The following UBR1 variants were observed in gnomAD, a reference collection of about 807,000 sequenced individuals.
The protein encoded by UBR1 is ubiquitin protein ligase E3 component n-recognin 1, also known as E3 ubiquitin-protein ligase UBR1.
Under a neutral mutation model 242.1 loss-of-function variants are expected in UBR1, and 102 were observed. The ratio of observed to expected loss-of-function variants is 0.42; its 90% CI spans 0.36 to 0.50. UBR1 has a LOEUF of 0.50. Among genes scored for constraint, UBR1 ranks in the 20% least tolerant of loss-of-function variants. The pLI is 0.01. For synonymous variants in UBR1, 675 were observed against 684.8 expected (o/e 0.99, Z 0.22); for missense variants, 1,772 against 2,101.8 (o/e 0.84, Z 3.07).
At position 43,010,216 on chromosome 15, in the gene UBR1, A is replaced by G. The variant is rs181498789; in HGVS notation, c.3210-2932T>C. Among the ~76,000 whole-genome samples, 253 of 151,108 alleles carry G rather than the reference A, an allele frequency of 1.7e-3. 1 individual carries two copies. In the Middle Eastern group the frequency reaches 0.028, roughly 16 times the overall value. ...GGTGGGACTCACTAAGTGTGGTACC[A>G]CCTCCTAGGAGGCATCTAGCAATAA... On this transcript the variant is annotated intron_variant, in intron 29 of 46. Coordinates refer to ENST00000290650, the MANE Select transcript of UBR1 (RefSeq NM_174916.3).
At chr15:43,079,602 A>G (rs2141355108) in intron 3 of UBR1, among the ~76,000 whole-genome samples, 1 of 152,120 alleles carries the variant, frequency 6.6e-6, no homozygotes, top group South Asian at 2.1e-4. Context: ...ACACGGTGAA[A>G]CCCCGTCTCT....
intron 12 of UBR1, among the ~76,000 whole-genome samples, chr15:43,049,607 A>AT (rs765698791): frequency 7.9e-5 from 12 of 151,848 alleles, no homozygotes; most frequent in African/African-American, 2.4e-4. Context: ...AAGAAAATAC[A>AT]TTTTTTTTGA....
chr15:42,966,887 C>G (rs147661514), intron 40 of UBR1, among the ~76,000 whole-genome samples: 191 of 152,064 alleles, frequency 1.3e-3, no homozygotes, highest in African/African-American at 4.5e-3. Context: ...GAACTTGACT[C>G]TTAAATAAAG....
chr15:43,093,978 C>T (rs774817086), intron 1 of UBR1, among the ~76,000 whole-genome samples: 1 of 151,810 alleles, frequency 6.6e-6, no homozygotes, highest in Non-Finnish European at 1.5e-5. Context: ...CATGGCTAAA[C>T]TGAAAAAAAG....
chr15:43,085,297 C>T (rs1161957689), intron 2 of UBR1, among the ~76,000 whole-genome samples: 2 of 152,242 alleles, frequency 1.3e-5, no homozygotes, highest in African/African-American at 4.8e-5. Context: ...GTGTCCCGCC[C>T]TGACTCTGCT....
chr15:42,950,161 G>T (rs2031807805), intron 46 of UBR1, 101 bp downstream of exon 46: 1 of 1,123,720 alleles, frequency 8.9e-7, no homozygotes, highest in Non-Finnish European at 1.4e-6. Flanking sequence ...TGTGATTAAA[G>T]AACTATTACC....
intron 30 of UBR1, among the ~76,000 whole-genome samples, chr15:43,005,315 G>A (rs569701065): frequency 1.0e-3 from 131 of 130,720 alleles, no homozygotes; most frequent in African/African-American, 3.4e-3. Flanking sequence ...CCCGGCAGCC[G>A]CCCCATCCGG....
intron 44 of UBR1, among the ~76,000 whole-genome samples, chr15:42,957,411 A>G (rs539173486): frequency 6.6e-6 from 1 of 152,324 alleles, no homozygotes; most frequent in Non-Finnish European, 1.5e-5. Flanking sequence ...AGGTGACGAA[A>G]AAGTTTGCAA....
chr15:42,961,638 G>A (rs2032021927), intron 42 of UBR1, among the ~76,000 whole-genome samples: 2 of 151,728 alleles, frequency 1.3e-5, no homozygotes, highest in Admixed American at 1.3e-4. Flanking sequence ...ACACCATGTT[G>A]GCCAGGCTGG....
At chr15:43,059,338 T>C in intron 8 of UBR1, 146 bp from the exon 9 acceptor site, 1 of 742,852 alleles carries the variant, frequency 1.3e-6, no homozygotes. Context: ...GTGCTGGCAT[T>C]ACAGACATGA....
intron 33 of UBR1, among the ~76,000 whole-genome samples, chr15:42,997,680 T>C (rs2032661044): frequency 6.6e-6 from 1 of 152,248 alleles, no homozygotes; most frequent in South Asian, 2.1e-4. Context: ...GTATTAGTAA[T>C]AGTAATGGCT....
intron 37 of UBR1, 91 bp from the exon 38 acceptor site, chr15:42,978,038 A>G: frequency 2.1e-6 from 2 of 962,690 alleles, no homozygotes; most frequent in Non-Finnish European, 3.4e-6. Flanking sequence ...AACCAAACAT[A>G]TAACAGGGTT....
chr15:43,004,169 T>C (rs2032767496), intron 30 of UBR1, among the ~76,000 whole-genome samples: 1 of 152,256 alleles, frequency 6.6e-6, no homozygotes, highest in Non-Finnish European at 1.5e-5. Flanking sequence ...CTTTTTAACC[T>C]TGAATATTGG....
At chr15:42,958,174 T>A in intron 43 of UBR1, 84 bp from the exon 44 acceptor site, 1 of 944,332 alleles carries the variant, frequency 1.1e-6, no homozygotes, top group Non-Finnish European at 1.7e-6. Context: ...AAGAATGTCT[T>A]AAAAATAACA....
chr15:43,074,893 T>A (rs1051790128), intron 4 of UBR1, 86 bp downstream of exon 4: 2 of 1,142,440 alleles, frequency 1.8e-6, no homozygotes, highest in African/African-American at 3.0e-5. Flanking sequence ...GGGTTCTAAC[T>A]GGAATCTATA....
chr15:42,946,167 C>T (rs1195185801), intron 46 of UBR1, among the ~76,000 whole-genome samples: 4 of 151,830 alleles, frequency 2.6e-5, no homozygotes, highest in African/African-American at 9.7e-5. Context: ...TCTTTTTGCC[C>T]AGGCTGGAGT....
intron 32 of UBR1, among the ~76,000 whole-genome samples, chr15:43,001,768 G>A (rs992162845): frequency 6.6e-6 from 1 of 152,242 alleles, no homozygotes; most frequent in South Asian, 2.1e-4. Flanking sequence ...TACCCAAAGA[G>A]AGATATATAA....
At chr15:43,066,710 G>A (rs1241121645) in intron 6 of UBR1, among the ~76,000 whole-genome samples, 1 of 152,114 alleles carries the variant, frequency 6.6e-6, no homozygotes, top group Non-Finnish European at 1.5e-5. Flanking sequence ...TATTCTCTCT[G>A]TAGCAATTGT....
At chr15:42,975,909 G>T (rs141583312) in intron 39 of UBR1, among the ~76,000 whole-genome samples, 3 of 151,952 alleles carry the variant, frequency 2.0e-5, no homozygotes, top group Non-Finnish European at 2.9e-5. Flanking sequence ...GTAGAGATAG[G>T]GTCTCACCAT....
Sources: gnomAD v4.1 joint callset for allele counts (sites outside exome capture counted in the v4.1 genomes callset) on GRCh38, gnomAD v4.1.1 for gene constraint, MANE v1.5 for transcripts, NCBI Gene and HGNC (gene_info 2026-07-23, HGNC 2026-07-21) for gene names.